The following WDR89 variants were observed in gnomAD, a reference collection of about 807,000 sequenced individuals.
WDR89 encodes WD repeat domain 89, also known as WD repeat-containing protein 89.
In WDR89, 17 loss-of-function variants were observed where a neutral mutation model predicts 29.1. That is an observed-to-expected ratio of 0.58 (90% CI 0.40 to 0.88). WDR89 has a LOEUF of 0.88. WDR89 is among the 40% of genes least tolerant of loss of function. The pLI is 0.00. For synonymous variants in WDR89, 138 were observed against 157.8 expected, an observed-to-expected ratio of 0.87 and a Z score of 0.94; for missense variants, 396 against 456.3, an observed-to-expected ratio of 0.87 and a Z score of 1.20.
intron 2 of WDR89, among the ~76,000 whole-genome samples, chr14:63,613,491 T>C (rs1882117141): frequency 6.6e-6 from 1 of 151,712 alleles, no homozygotes; most frequent in Non-Finnish European, 1.5e-5. Flanking sequence ...CAGCTCTTTT[T>C]TATACTGCTG....
At chr14:63,610,366 C>A (rs1047587828) in intron 2 of WDR89, among the ~76,000 whole-genome samples, 1 of 151,172 alleles carries the variant, frequency 6.6e-6, no homozygotes, top group East Asian at 1.9e-4. Flanking sequence ...TCAAGTATAA[C>A]ATATGTAGAT....
chr14:63,629,922 A>G (rs1260968532), intron 1 of WDR89, among the ~76,000 whole-genome samples: 1 of 152,226 alleles, frequency 6.6e-6, no homozygotes, highest in Non-Finnish European at 1.5e-5. Context: ...GGTCGGTAGC[A>G]AAAATATTAC....
chr14:63,632,190 A>C (rs570111763), intron 1 of WDR89, among the ~76,000 whole-genome samples: 14 of 152,256 alleles, frequency 9.2e-5, no homozygotes, highest in East Asian at 1.9e-4. Flanking sequence ...GGGAAAAAAA[A>C]CAAAGAAATG....
At chr14:63,639,952 C>T (rs939415978) in intron 1 of WDR89, among the ~76,000 whole-genome samples, 1 of 152,092 alleles carries the variant, frequency 6.6e-6, no homozygotes, top group Non-Finnish European at 1.5e-5. Flanking sequence ...ACCGCACTCC[C>T]GTCTGGAAAA....
chr14:63,641,659 C>G lies in WDR89; in HGVS notation c.-138+145G>C, dbSNP rs1353503920. 2.0e-5 allele frequency: 3 copies of G among 152,624 alleles called. No homozygotes were observed. In the South Asian group the frequency reaches 6.2e-4, roughly 32 times the overall value. 9.5% of individuals were successfully genotyped at this position (152,624 alleles called of 1,614,324 possible). A position where few individuals can be genotyped will look rare whatever the true frequency, so the allele number is the denominator to read the frequency against. ...GAGCGAGACTGCCAACACGTGCACA[C>G]TCCGTCCAGACCTCCCACTTCCCTC... is the stretch of plus-strand genomic sequence containing the variant. On this transcript the variant is annotated intron_variant, in intron 1 of 2. Coordinates refer to ENST00000620954, the MANE Select transcript of WDR89 (RefSeq NM_080666.4).
At chr14:63,601,380 T>C (rs546878882) in intron 2 of WDR89, 3 of 619,062 alleles carry the variant, frequency 4.8e-6, no homozygotes, top group East Asian at 5.5e-5. Flanking sequence ...TAAACCACCA[T>C]ACTAGATTGC....
At chr14:63,611,948 G>C (rs1450137348) in intron 2 of WDR89, among the ~76,000 whole-genome samples, 2 of 152,014 alleles carry the variant, frequency 1.3e-5, no homozygotes, top group Admixed American at 1.3e-4. Context: ...GGCTGGTCTC[G>C]AACTCTTGAG....
intron 2 of WDR89, among the ~76,000 whole-genome samples, chr14:63,622,820 A>G (rs1418692261): frequency 6.6e-6 from 1 of 152,172 alleles, no homozygotes; most frequent in Non-Finnish European, 1.5e-5. Context: ...ACAGGATGAG[A>G]GGAGGGAAGT....
rs1158024560 is a variant in WDR89 at position 63,599,852 on chromosome 14, T to C, written c.91A>G (p.Thr31Ala). The C allele has an allele frequency of 6.2e-7, 1 of 1,614,058 alleles. No individual in the cohort carries two copies. The highest frequency in any genetic ancestry group is 1.3e-5 in the African/African-American group (1 of 74,936). ...KEPTYLLGID[T>A]SKTVQAGKEN... The stretch of plus-strand genomic sequence containing the variant: ...TTTCCTGCTTGGACAGTCTTTGATG[T>C]GTCTATACCAAGAAGGTAAGTGGGC... Residue 31 changes from threonine to alanine, a missense_variant, in exon 3 of 3, where the codon ACA (threonine) becomes GCA (alanine). By Grantham distance (58) the Thr-to-Ala change is moderately conservative. Coordinates refer to ENST00000620954, the MANE Select transcript of WDR89 (RefSeq NM_080666.4).
chr14:63,605,211 TAC>T (rs200461481), intron 2 of WDR89, among the ~76,000 whole-genome samples: 1,249 of 101,998 alleles, frequency 0.012, 4 homozygotes, highest in South Asian at 0.02. Flanking sequence ...TACATACACA[TAC>T]ACACACACAC....
intron 1 of WDR89, among the ~76,000 whole-genome samples, chr14:63,625,760 A>AAT (rs1882994696): frequency 6.6e-6 from 1 of 152,204 alleles, no homozygotes; most frequent in African/African-American, 2.4e-5. Context: ...AAGTACAAAT[A>AAT]AATAATTAGT....
intron 1 of WDR89, among the ~76,000 whole-genome samples, chr14:63,635,931 G>A (rs1396279758): frequency 1.3e-5 from 2 of 152,172 alleles, no homozygotes; most frequent in East Asian, 1.9e-4. Flanking sequence ...CTAACAGGCT[G>A]GGTAGTGGCT....
At chr14:63,628,016 C>T (rs1883177660) in intron 1 of WDR89, among the ~76,000 whole-genome samples, 1 of 151,994 alleles carries the variant, frequency 6.6e-6, no homozygotes, top group Admixed American at 6.6e-5. Context: ...TGGGAGGCTC[C>T]CTTGAGCCCA....
In WDR89 at chr14:63,627,150, A is replaced by ACACTCTCT. The variant is rs1433982075; in HGVS notation, c.-137-2118_-137-2117insAGAGAGTG. Among the ~76,000 whole-genome samples the ACACTCTCT allele has an allele frequency of 1.9e-4, 24 of 127,268 alleles. No individual in the cohort carries two copies. In the East Asian group the frequency reaches 2.0e-3, roughly 11 times the overall value. The allele number at this position is 127,268 out of a possible 152,430, so 83.5% of individuals were successfully genotyped here. A position where few individuals can be genotyped will look rare whatever the true frequency, so the allele number is the denominator to read the frequency against. On this transcript the variant is annotated intron_variant, in intron 1 of 2. Coordinates refer to ENST00000620954, the MANE Select transcript of WDR89 (RefSeq NM_080666.4). ...CACACACACACACACACACACACAC[A>ACACTCTCT]CTCTCTCTCTCTCTCTCTCTCTCTC...
chr14:63,611,714 T>A (rs1289804801), intron 2 of WDR89, among the ~76,000 whole-genome samples: 1 of 151,992 alleles, frequency 6.6e-6, no homozygotes, highest in Non-Finnish European at 1.5e-5. Flanking sequence ...AAAAAAAATT[T>A]TTTTTAAATT....
intron 1 of WDR89, among the ~76,000 whole-genome samples, chr14:63,633,237 G>A (rs1883521141): frequency 6.6e-6 from 1 of 151,984 alleles, no homozygotes; most frequent in Non-Finnish European, 1.5e-5. Flanking sequence ...AAATATGTGT[G>A]TAAGTATATA....
chr14:63,627,069 A>G (rs547941450), intron 1 of WDR89, among the ~76,000 whole-genome samples: 1 of 151,360 alleles, frequency 6.6e-6, no homozygotes, highest in Non-Finnish European at 1.5e-5. Flanking sequence ...TGCAGTGAGC[A>G]ATGACTGTGT....
At chr14:63,623,950 G>A (rs1006182479) in intron 2 of WDR89, among the ~76,000 whole-genome samples, 1 of 151,938 alleles carries the variant, frequency 6.6e-6, no homozygotes, top group African/African-American at 2.4e-5. Flanking sequence ...AAGCTGCAAT[G>A]TTTTACTAAT....
intron 1 of WDR89, among the ~76,000 whole-genome samples, chr14:63,631,878 T>C (rs1018580942): frequency 2.6e-5 from 4 of 151,784 alleles, no homozygotes; most frequent in African/African-American, 9.7e-5. Context: ...TTGGGAGGCC[T>C]AGGCAGGCAG....
Sources: gnomAD v4.1 joint callset for allele counts (sites outside exome capture counted in the v4.1 genomes callset) on GRCh38, gnomAD v4.1.1 for gene constraint, MANE v1.5 for transcripts, NCBI Gene and HGNC (gene_info 2026-07-23, HGNC 2026-07-21) for gene names.